The following PRELID2 variants were observed in gnomAD, a reference collection of about 807,000 sequenced individuals.
The protein encoded by PRELID2 is PRELI domain-containing protein 2.
A neutral mutation model predicts 28.4 loss-of-function variants in PRELID2; 25 were observed. The ratio of observed to expected loss-of-function variants is 0.88; its 90% CI spans 0.64 to 1.23. The LOEUF (loss-of-function observed/expected upper bound fraction) is 1.23, where lower values mean the gene tolerates loss of function less well. PRELID2 is among the 50% of genes most tolerant of loss of function. The pLI, the probability that PRELID2 is intolerant of heterozygous loss-of-function variation, is 0.00. For synonymous variants in PRELID2, 76 were observed against 71.6 expected, an observed-to-expected ratio of 1.06 and a Z score of -0.31; for missense variants, 201 against 214.4, an observed-to-expected ratio of 0.94 and a Z score of 0.39.
chr5:145,741,110 CAT>C (rs1158599938), intron 1 of PRELID2, among the ~76,000 whole-genome samples: 5 of 114,076 alleles, frequency 4.4e-5, no homozygotes, highest in African/African-American at 1.8e-4. Flanking sequence ...TTATGCTTTA[CAT>C]ATAAATATAT....
At chr5:145,563,800 A>G (rs1026490944) in intron 1 of PRELID2, among the ~76,000 whole-genome samples, 1 of 152,226 alleles carries the variant, frequency 6.6e-6, no homozygotes, top group African/African-American at 2.4e-5. Context: ...GGTGTTGGTC[A>G]AAGAGTATAA....
chr5:145,505,830 T>A (rs947389273), intron 1 of PRELID2, among the ~76,000 whole-genome samples: 1 of 152,086 alleles, frequency 6.6e-6, no homozygotes, highest in Non-Finnish European at 1.5e-5. Flanking sequence ...AAAAAGAAAA[T>A]CCTGCAATAT....
chr5:145,314,934 ATTGT>A, the PRELID2 span, among the ~76,000 whole-genome samples: 97 of 150,676 alleles, frequency 6.4e-4, 1 homozygote, highest in African/African-American at 2.0e-3. Flanking sequence ...ATCTATTGTT[ATTGT>A]TTAATTCTAA....
At chr5:145,766,839 A>G (rs988491279) in intron 5 of PRELID2, among the ~76,000 whole-genome samples, 4 of 152,104 alleles carry the variant, frequency 2.6e-5, no homozygotes, top group Non-Finnish European at 5.9e-5. Context: ...TTCTATACCC[A>G]GTTGCACTCT....
intron 4 of PRELID2, among the ~76,000 whole-genome samples, chr5:145,799,243 C>A (rs338900): frequency 0.86 from 126,370 of 146,650 alleles, 55,272 homozygotes; most frequent in East Asian, 0.98. Flanking sequence ...AAAAAAAAAA[C>A]CTACAAGACA....
At chr5:145,377,935 G>C in the PRELID2 span, among the ~76,000 whole-genome samples, 1 of 152,060 alleles carries the variant, frequency 6.6e-6, no homozygotes. Context: ...TTATGTGGTT[G>C]CTTTATAGTA....
intron 5 of PRELID2, among the ~76,000 whole-genome samples, chr5:145,773,048 G>A (rs1479647337): frequency 6.6e-6 from 1 of 152,108 alleles, no homozygotes; most frequent in Non-Finnish European, 1.5e-5. Context: ...ACATTAAACT[G>A]ATACAATAAT....
At chr5:145,482,997 C>G (rs1456001938) in intron 1 of PRELID2, among the ~76,000 whole-genome samples, 5 of 152,130 alleles carry the variant, frequency 3.3e-5, no homozygotes, top group Non-Finnish European at 7.4e-5. Flanking sequence ...ACCTGCCACT[C>G]ACCTCCTGCT....
the PRELID2 span, among the ~76,000 whole-genome samples, chr5:145,305,613 G>A: frequency 4.1e-3 from 622 of 152,262 alleles, 6 homozygotes; most frequent in African/African-American, 0.014. Context: ...GAATTTGTCT[G>A]TGGCCTCATT....
At chr5:145,362,945 C>G in the PRELID2 span, among the ~76,000 whole-genome samples, 2 of 151,508 alleles carry the variant, frequency 1.3e-5, no homozygotes, top group East Asian at 1.9e-4. Context: ...CATGGGTCAC[C>G]CTACCTCAAC....
chr5:145,381,830 T>C, the PRELID2 span, among the ~76,000 whole-genome samples: 2 of 152,108 alleles, frequency 1.3e-5, no homozygotes, highest in Non-Finnish European at 2.9e-5. Flanking sequence ...ACAGAACATA[T>C]TATCTCTGTA....
the PRELID2 span, among the ~76,000 whole-genome samples, chr5:145,353,813 A>G: frequency 2.0e-5 from 3 of 152,168 alleles, no homozygotes; most frequent in Non-Finnish European, 2.9e-5. Flanking sequence ...TTGAATGGGG[A>G]CACAGGCAAA....
chr5:145,399,846 G>A, the PRELID2 span, among the ~76,000 whole-genome samples: 4 of 152,156 alleles, frequency 2.6e-5, no homozygotes, highest in South Asian at 2.1e-4. Flanking sequence ...AAGAGAGAGA[G>A]ATTGTTCAGG....
chr5:145,706,012 T>C (rs2149706467), intron 1 of PRELID2, among the ~76,000 whole-genome samples: 1 of 151,364 alleles, frequency 6.6e-6, no homozygotes, highest in South Asian at 2.1e-4. Flanking sequence ...AGAAAAAAAG[T>C]TTATCTTAAG....
At chr5:145,815,305 C>A (rs539209340) in intron 4 of PRELID2, among the ~76,000 whole-genome samples, 1 of 152,270 alleles carries the variant, frequency 6.6e-6, no homozygotes, top group Admixed American at 6.5e-5. Context: ...ACTGTGTAAA[C>A]CACACAGTCT....
At chr5:145,388,366 A>T in the PRELID2 span, among the ~76,000 whole-genome samples, 1 of 152,192 alleles carries the variant, frequency 6.6e-6, no homozygotes, top group South Asian at 2.1e-4. Context: ...GAAAACATGG[A>T]AACACTGTAT....
chr5:145,607,044 T>C (rs1753515201), intron 1 of PRELID2, among the ~76,000 whole-genome samples: 1 of 152,158 alleles, frequency 6.6e-6, no homozygotes, highest in African/African-American at 2.4e-5. Context: ...GTGTTTGTAG[T>C]AGTCACTGAG....
chr5:145,709,770 T>A (rs1482857087), intron 1 of PRELID2, among the ~76,000 whole-genome samples: 1 of 152,180 alleles, frequency 6.6e-6, no homozygotes, highest in African/African-American at 2.4e-5. Context: ...ACAGTAACCA[T>A]TGCCAACCCC....
chr5:145,418,254 G>C, the PRELID2 span, among the ~76,000 whole-genome samples: 1 of 152,030 alleles, frequency 6.6e-6, no homozygotes, highest in East Asian at 1.9e-4. Context: ...TAAACAAATG[G>C]AAGAACCAAC....
Sources: gnomAD v4.1 joint callset for allele counts (sites outside exome capture counted in the v4.1 genomes callset) on GRCh38, gnomAD v4.1.1 for gene constraint, MANE v1.5 for transcripts, NCBI Gene and HGNC (gene_info 2026-07-23, HGNC 2026-07-21) for gene names.